Variants in TRAPPC9 observed in about 807,000 individuals in gnomAD.
The protein encoded by TRAPPC9 is IKK2 binding protein.
In TRAPPC9, 83 loss-of-function variants were observed where a neutral mutation model predicts 124.0. The observed-to-expected ratio is 0.67, with a 90% confidence interval of 0.56 to 0.80. TRAPPC9 has a LOEUF of 0.80. TRAPPC9 is among the 30% of genes least tolerant of loss of function. The pLI, the probability that TRAPPC9 is intolerant of heterozygous loss-of-function variation, is 0.00. For missense variants in TRAPPC9, 1,302 were observed against 1,508.3 expected, an observed-to-expected ratio of 0.86 and a Z score of 2.27; for synonymous variants, 638 against 617.5, an observed-to-expected ratio of 1.03 and a Z score of -0.49.
intron 19 of TRAPPC9, among the ~76,000 whole-genome samples, chr8:139,959,024 T>G: frequency 6.6e-6 from 1 of 150,552 alleles, no homozygotes; most frequent in African/African-American, 2.5e-5. Flanking sequence ...GAGGCCTGCA[T>G]TCCGAGTCAC....
chr8:140,054,445 A>G (rs994529314), intron 17 of TRAPPC9, among the ~76,000 whole-genome samples: 1 of 152,208 alleles, frequency 6.6e-6, no homozygotes, highest in East Asian at 1.9e-4. Flanking sequence ...CTGTGGCAAT[A>G]AACACCTGTA....
intron 21 of TRAPPC9, among the ~76,000 whole-genome samples, chr8:139,761,317 A>G (rs1005273965): frequency 6.6e-6 from 1 of 152,142 alleles, no homozygotes; most frequent in African/African-American, 2.4e-5. Flanking sequence ...GCCACATTAG[A>G]TCGACGTCTG....
chr8:140,270,249 G>A (rs556410061), intron 15 of TRAPPC9, among the ~76,000 whole-genome samples: 2 of 152,348 alleles, frequency 1.3e-5, no homozygotes, highest in South Asian at 4.1e-4. Flanking sequence ...CAGAGGCAGT[G>A]ACCTGCACAG....
chr8:140,264,095 T>G (rs1436509508), intron 15 of TRAPPC9, among the ~76,000 whole-genome samples: 1 of 152,146 alleles, frequency 6.6e-6, no homozygotes, highest in East Asian at 1.9e-4. Flanking sequence ...AGAAAAGAAT[T>G]ATGTAAAAAT....
intron 21 of TRAPPC9, among the ~76,000 whole-genome samples, chr8:139,884,255 C>T (rs568396546): frequency 1.2e-3 from 179 of 152,136 alleles, no homozygotes; most frequent in African/African-American, 4.2e-3. Context: ...AGGGACTTCT[C>T]CCCGCTCAGC....
intron 21 of TRAPPC9, among the ~76,000 whole-genome samples, chr8:139,873,931 C>A (rs1238832325): frequency 1.3e-5 from 2 of 152,218 alleles, no homozygotes; most frequent in Admixed American, 1.3e-4. Context: ...ACCTCCCTCT[C>A]CCAGGACTGG....
chr8:139,834,412 G>A (rs921229450), intron 21 of TRAPPC9, among the ~76,000 whole-genome samples: 3 of 152,228 alleles, frequency 2.0e-5, no homozygotes, highest in Admixed American at 1.3e-4. Context: ...GGACAATGAC[G>A]TGTGTGTTCA....
intron 17 of TRAPPC9, among the ~76,000 whole-genome samples, chr8:140,043,529 C>G (rs1361584015): frequency 6.6e-6 from 1 of 152,186 alleles, no homozygotes; most frequent in African/African-American, 2.4e-5. Context: ...TACCCCGAAC[C>G]CCAGCCGACC....
chr8:140,102,090 G>A (rs1417779230), intron 17 of TRAPPC9, among the ~76,000 whole-genome samples: 1 of 152,054 alleles, frequency 6.6e-6, no homozygotes, highest in Non-Finnish European at 1.5e-5. Context: ...GTTTGTATTT[G>A]CCTAGTTACT....
At position 140,257,845 on chromosome 8, in the gene TRAPPC9, T is replaced by C. The variant is rs1046863005; in HGVS notation, c.2279-4916A>G. On this transcript the variant is annotated intron_variant, in intron 15 of 22. Coordinates refer to ENST00000438773, the MANE Select transcript of TRAPPC9 (RefSeq NM_001160372.4). This position sits in a 1 kb window ranked among gnomAD's most constrained non-coding sequence, Gnocchi z 4.6. ...ATGCCTCCAGGACAGGCTCCAGCAC[T>C]CTGCACCCAACTGTGTGAGCTGATC... Among the ~76,000 whole-genome samples, 3 of 152,220 alleles carry C rather than the reference T, an allele frequency of 2.0e-5. No individual in the cohort carries two copies. Among genetic ancestry groups the C allele is most frequent in the Non-Finnish European group, 4.4e-5 (3 of 68,032 alleles).
Position 140,430,735 on chromosome 8 carries a change from C to G in TRAPPC9, c.860-4094G>C, listed in dbSNP as rs189048317. On this transcript the variant is annotated intron_variant, in intron 4 of 22. Transcript: ENST00000438773. ...CTCACTGCAACCTCTGCCTCCTGGG[C>G]TCAAGCAATCCTCCCAACTCAGCCT... 5.8e-4 allele frequency among the ~76,000 whole-genome samples: 88 copies of G among 152,246 alleles called. No homozygotes were observed. In the East Asian group the frequency reaches 0.016, roughly 28 times the overall value.
At chr8:140,380,614 C>A (rs1312457041) in intron 7 of TRAPPC9, among the ~76,000 whole-genome samples, 1 of 140,118 alleles carries the variant, frequency 7.1e-6, no homozygotes, top group Non-Finnish European at 1.5e-5. Flanking sequence ...AAGATCGTGC[C>A]ACTGTACTCC....
intron 17 of TRAPPC9, among the ~76,000 whole-genome samples, chr8:140,137,114 C>A (rs571091487): frequency 7.9e-5 from 12 of 152,256 alleles, no homozygotes; most frequent in Non-Finnish European, 1.8e-4. Flanking sequence ...GAAGGGCCAG[C>A]ACCCACAGGG....
At chr8:139,925,343 G>A (rs1832745397) in intron 19 of TRAPPC9, among the ~76,000 whole-genome samples, 1 of 152,192 alleles carries the variant, frequency 6.6e-6, no homozygotes, top group Non-Finnish European at 1.5e-5. Context: ...ATATGGAGGT[G>A]GGGGAATCTT....
chr8:140,287,881 T>G (rs1419739682), intron 12 of TRAPPC9, 147 bp from the exon 13 acceptor site: 1 of 1,175,968 alleles, frequency 8.5e-7, no homozygotes. Context: ...TCGGAGACAG[T>G]GTACAGTGTA....
chr8:140,152,297 A>T (rs1481579892), intron 17 of TRAPPC9, among the ~76,000 whole-genome samples: 1 of 150,008 alleles, frequency 6.7e-6, no homozygotes, highest in African/African-American at 2.4e-5. Flanking sequence ...CTACCAAAAA[A>T]TGAGCTTTTG....
At chr8:139,899,161 A>C (rs1830861314) in intron 20 of TRAPPC9, among the ~76,000 whole-genome samples, 1 of 151,760 alleles carries the variant, frequency 6.6e-6, no homozygotes, top group African/African-American at 2.4e-5. Flanking sequence ...AAAAACAGAA[A>C]CAAACAAAAA....
chr8:140,067,565 T>C (rs992376898), intron 17 of TRAPPC9, among the ~76,000 whole-genome samples: 1 of 152,222 alleles, frequency 6.6e-6, no homozygotes. Context: ...GCTTGGTCCC[T>C]GGTTGCATCT....
intron 17 of TRAPPC9, among the ~76,000 whole-genome samples, chr8:140,143,247 G>C (rs534691214): frequency 3.9e-5 from 6 of 152,210 alleles, no homozygotes; most frequent in Non-Finnish European, 8.8e-5. Context: ...CTGGGCAGAA[G>C]TCTGGGCATG....
Sources: allele counts gnomAD v4.1 joint callset (sites outside exome capture counted in the v4.1 genomes callset), GRCh38; gene constraint gnomAD v4.1.1; non-coding constraint Gnocchi (gnomAD v3.1); transcripts MANE v1.5; gene names NCBI Gene and HGNC (gene_info 2026-07-23, HGNC 2026-07-21).